Variants in LAPTM4B observed in about 807,000 individuals in gnomAD.
LAPTM4B encodes lysosomal protein transmembrane 4 beta, also known as lysosomal-associated transmembrane protein 4B.
A neutral mutation model predicts 28.5 loss-of-function variants in LAPTM4B; 26 were observed. The ratio of observed to expected loss-of-function variants is 0.91; its 90% CI spans 0.67 to 1.27. LAPTM4B has a LOEUF of 1.27. Among genes scored for constraint, LAPTM4B ranks in the 50% most tolerant of loss-of-function variants. LAPTM4B has a pLI of 0.00. For synonymous variants in LAPTM4B, 109 were observed against 106.4 expected, an observed-to-expected ratio of 1.02 and a Z score of -0.15; for missense variants, 288 against 285.8, an observed-to-expected ratio of 1.01 and a Z score of -0.06.
chr8:97,837,735 A>C (rs1187320343), intron 6 of LAPTM4B, among the ~76,000 whole-genome samples: 2 of 152,164 alleles, frequency 1.3e-5, no homozygotes, highest in Non-Finnish European at 2.9e-5. Flanking sequence ...GCGTAAATGA[A>C]CCAGAGGGCC....
intron 6 of LAPTM4B, among the ~76,000 whole-genome samples, chr8:97,830,800 G>A (rs1817173168): frequency 1.3e-5 from 2 of 152,116 alleles, no homozygotes; most frequent in African/African-American, 2.4e-5. Flanking sequence ...AGAACTGACC[G>A]TCGGGCTAGG....
intron 6 of LAPTM4B, among the ~76,000 whole-genome samples, chr8:97,849,825 C>T (rs1333046045): frequency 2.0e-5 from 3 of 151,800 alleles, no homozygotes; most frequent in East Asian, 1.9e-4. Context: ...CCCGCCTGCC[C>T]GCCCCCGGTT....
intron 1 of LAPTM4B, among the ~76,000 whole-genome samples, chr8:97,800,476 C>T (rs1816654506): frequency 7.6e-6 from 1 of 132,446 alleles, no homozygotes; most frequent in Non-Finnish European, 1.5e-5. Context: ...AATATTACCC[C>T]TTGACCTCTT....
At chr8:97,850,792 A>G (rs1297461685) in intron 6 of LAPTM4B, among the ~76,000 whole-genome samples, 1 of 146,992 alleles carries the variant, frequency 6.8e-6, no homozygotes, top group East Asian at 2.0e-4. Context: ...CTAGATGCAT[A>G]ATAAATGTTA....
At chr8:97,850,692 G>A (rs1311019099) in intron 6 of LAPTM4B, among the ~76,000 whole-genome samples, 1 of 149,002 alleles carries the variant, frequency 6.7e-6, no homozygotes. Flanking sequence ...GGTGGGTGAG[G>A]TTTTGTTTTG....
intron 2 of LAPTM4B, among the ~76,000 whole-genome samples, chr8:97,806,362 G>A (rs964248986): frequency 1.3e-5 from 2 of 152,180 alleles, no homozygotes; most frequent in Non-Finnish European, 2.9e-5. Context: ...TGGGGATAGA[G>A]AACAGGGAAG....
Position 97,825,115 on chromosome 8 carries a change from T to C in LAPTM4B, c.565T>C (p.Ser189Pro). 6.2e-7 allele frequency: 1 copy of C among 1,610,906 alleles called. No homozygotes were observed. ...CYRYINGRNS[S>P]DVLVYVTSND... Reference sequence around the variant, plus strand: ...CCGATACATCAATGGTAGGAACTCCTCTGATGTCCTGGTTTATGTTACCAG... The same window carrying C: ...CCGATACATCAATGGTAGGAACTCCCCTGATGTCCTGGTTTATGTTACCAG... Residue 189 changes from serine (S) to proline (P), a missense_variant, in exon 6 of 7, where the codon TCT (serine) becomes CCT (proline). Coordinates refer to ENST00000521545, the MANE Select transcript of LAPTM4B (RefSeq NM_018407.6).
intron 2 of LAPTM4B, among the ~76,000 whole-genome samples, chr8:97,811,368 GCC>G (rs1473537919): frequency 2.0e-5 from 3 of 152,124 alleles, no homozygotes; most frequent in African/African-American, 7.2e-5. Context: ...ATTTATGATA[GCC>G]AAAAGTTGGA....
intron 1 of LAPTM4B, among the ~76,000 whole-genome samples, chr8:97,790,122 A>G (rs941897711): frequency 7.9e-5 from 12 of 152,272 alleles, no homozygotes; most frequent in Admixed American, 5.2e-4. Context: ...GTTGACAGAC[A>G]TTTAGGTTGC....
chr8:97,831,496 T>G (rs1817182063), intron 6 of LAPTM4B, among the ~76,000 whole-genome samples: 1 of 152,112 alleles, frequency 6.6e-6, no homozygotes, highest in African/African-American at 2.4e-5. Context: ...AACAGTGAGA[T>G]GTGCTTGTTT....
chr8:97,822,475 A>G (rs1817020601), intron 5 of LAPTM4B, among the ~76,000 whole-genome samples: 2 of 151,998 alleles, frequency 1.3e-5, no homozygotes. Flanking sequence ...AAATGCCCAC[A>G]TCACATTTTG....
In LAPTM4B at chr8:97,809,007, C is replaced by T. The variant is rs576282729; in HGVS notation, c.211+3543C>T. ...AGTAATTACAAACTATTCATTCAGT[C>T]CTTTCAAATATATAAAATAGGAGAG... is the stretch of plus-strand genomic sequence containing the variant. On this transcript the variant is annotated intron_variant, in intron 2 of 6. Transcript: ENST00000521545. Among the ~76,000 whole-genome samples, 23 of 152,058 alleles carry T rather than the reference C, an allele frequency of 1.5e-4. No homozygotes were observed. The South Asian group carries it at 4.8e-3, about 32-fold the overall frequency.
intron 5 of LAPTM4B, among the ~76,000 whole-genome samples, chr8:97,819,937 G>A (rs1181569137): frequency 5.3e-5 from 8 of 151,944 alleles, no homozygotes; most frequent in Non-Finnish European, 1.2e-4. Flanking sequence ...GGGTTTCACT[G>A]TGTTAGCCAG....
At chr8:97,831,057 C>T (rs991906666) in intron 6 of LAPTM4B, among the ~76,000 whole-genome samples, 2 of 151,970 alleles carry the variant, frequency 1.3e-5, no homozygotes, top group Admixed American at 6.6e-5. Flanking sequence ...GTCTTTTTTG[C>T]GTTGGAGGGT....
intron 1 of LAPTM4B, among the ~76,000 whole-genome samples, chr8:97,803,474 A>G (rs1272589853): frequency 6.6e-6 from 1 of 151,858 alleles, no homozygotes; most frequent in African/African-American, 2.4e-5. Context: ...GGGTTTCACC[A>G]TGTTGGCCAG....
At chr8:97,779,934 T>A (rs1357350252) in intron 1 of LAPTM4B, among the ~76,000 whole-genome samples, 1 of 150,838 alleles carries the variant, frequency 6.6e-6, no homozygotes, top group East Asian at 1.9e-4. Context: ...ACCTGTAATC[T>A]CAGCTGCTGG....
At chr8:97,780,521 T>C (rs530128216) in intron 1 of LAPTM4B, among the ~76,000 whole-genome samples, 111 of 152,336 alleles carry the variant, frequency 7.3e-4, no homozygotes, top group African/African-American at 1.7e-3. Flanking sequence ...GTGGATCTTT[T>C]TTATATGTTT....
At chr8:97,839,080 C>A (rs139488526) in intron 6 of LAPTM4B, among the ~76,000 whole-genome samples, 19 of 152,296 alleles carry the variant, frequency 1.2e-4, no homozygotes, top group Non-Finnish European at 1.6e-4. Flanking sequence ...TGAGATTTTT[C>A]TCCCAAAACC....
At chr8:97,779,041 T>G (rs2129713226) in intron 1 of LAPTM4B, among the ~76,000 whole-genome samples, 1 of 152,058 alleles carries the variant, frequency 6.6e-6, no homozygotes, top group Middle Eastern at 3.4e-3. Flanking sequence ...TGGAATGGAG[T>G]CAATTATCAG....
Sources: gnomAD v4.1 joint callset for allele counts (sites outside exome capture counted in the v4.1 genomes callset) on GRCh38, gnomAD v4.1.1 for gene constraint, MANE v1.5 for transcripts, NCBI Gene and HGNC (gene_info 2026-07-23, HGNC 2026-07-21) for gene names.